SETBP1: variants seen among roughly 807,000 people sequenced by gnomAD.
SETBP1 encodes SET binding protein 1.
A neutral mutation model predicts 101.0 loss-of-function variants in SETBP1; 9 were observed. The observed-to-expected ratio is 0.09, with a 90% CI of 0.05 to 0.16. SETBP1 has a LOEUF of 0.16. Among genes scored for constraint, SETBP1 ranks in the 10% least tolerant of loss-of-function variants. The pLI is 1.00. For synonymous variants in SETBP1, 818 were observed against 788.5 expected (o/e 1.04, Z -0.63); for missense variants, 1,858 against 2,033.8 (o/e 0.91, Z 1.66).
chr18:44,768,513 AGGAATTGGGTT>A (rs2070807410), intron 2 of SETBP1, among the ~76,000 whole-genome samples: 1 of 152,034 alleles, frequency 6.6e-6, no homozygotes. Context: ...CTACTTTTGG[AGGAATTGGGTT>A]GGTTACAATA....
intron 2 of SETBP1, among the ~76,000 whole-genome samples, chr18:44,790,483 G>A (rs1056826719): frequency 2.0e-5 from 3 of 152,292 alleles, no homozygotes; most frequent in Non-Finnish European, 2.9e-5. Context: ...AGCAAGTGCC[G>A]TCACACTGAG....
At chr18:44,707,034 A>G (rs1390718753) in intron 2 of SETBP1, among the ~76,000 whole-genome samples, 1 of 152,268 alleles carries the variant, frequency 6.6e-6, no homozygotes, top group Non-Finnish European at 1.5e-5. Flanking sequence ...CTTATCTGTT[A>G]GTCCTCATAA....
intron 4 of SETBP1, among the ~76,000 whole-genome samples, chr18:44,974,237 G>A (rs1866177632): frequency 6.6e-6 from 1 of 152,150 alleles, no homozygotes; most frequent in Admixed American, 6.5e-5. Flanking sequence ...ACATTTAAGT[G>A]GCATTGCTTT....
chr18:44,935,366 G>A (rs2145015130), intron 3 of SETBP1, among the ~76,000 whole-genome samples: 1 of 152,240 alleles, frequency 6.6e-6, no homozygotes, highest in African/African-American at 2.4e-5. Context: ...GCGGTAAAGA[G>A]GAAAAGGATG....
intron 2 of SETBP1, among the ~76,000 whole-genome samples, chr18:44,705,748 G>A (rs1346201485): frequency 6.6e-6 from 1 of 152,108 alleles, no homozygotes; most frequent in Non-Finnish European, 1.5e-5. Flanking sequence ...CACTGCTTTG[G>A]GATGAAGGCA....
intron 3 of SETBP1, among the ~76,000 whole-genome samples, chr18:44,936,355 A>G (rs1056910564): frequency 6.6e-6 from 1 of 152,194 alleles, no homozygotes; most frequent in Non-Finnish European, 1.5e-5. Flanking sequence ...CAGCAGTGCC[A>G]CTGCATTCCA....
At chr18:44,691,221 A>G (rs547918226) in intron 1 of SETBP1, among the ~76,000 whole-genome samples, 2 of 152,228 alleles carry the variant, frequency 1.3e-5, no homozygotes, top group African/African-American at 4.8e-5. Context: ...TGAGTAAATC[A>G]TTAACCTTTC....
intron 2 of SETBP1, among the ~76,000 whole-genome samples, chr18:44,739,553 A>G (rs1267574124): frequency 1.3e-5 from 2 of 152,228 alleles, no homozygotes; most frequent in Non-Finnish European, 2.9e-5. Flanking sequence ...GTATATTTGT[A>G]AAAGAGTCTG....
intron 4 of SETBP1, among the ~76,000 whole-genome samples, chr18:44,981,707 A>G (rs2145237583): frequency 6.6e-6 from 1 of 152,334 alleles, no homozygotes; most frequent in East Asian, 1.9e-4. Flanking sequence ...ACATCGGCAT[A>G]GAGAAGAATA....
rs142787101 is a variant in SETBP1 at position 44,846,562 on chromosome 18, A to T, written c.487-22668A>T. ...CTGTGAATTGAAATATCTGAGCCTT[A>T]TATGTTAAAAAAGAATCTCAGGTGA... On this transcript the variant is annotated intron_variant, in intron 2 of 5. Coordinates refer to ENST00000649279, the MANE Select transcript of SETBP1 (RefSeq NM_015559.3). Among the ~76,000 whole-genome samples the T allele has an allele frequency of 2.2e-3, 339 of 152,304 alleles. 5 individuals are homozygous for T. Among genetic ancestry groups the T allele is most frequent in the Middle Eastern group, 6.8e-3 (2 of 294 alleles).
At chr18:44,681,533 C>G (rs991100706) in intron 1 of SETBP1, among the ~76,000 whole-genome samples, 17 of 146,102 alleles carry the variant, frequency 1.2e-4, no homozygotes, top group African/African-American at 4.3e-4. Flanking sequence ...CCCCCCTCCC[C>G]TGCACAGTAC....
chr18:44,746,317 A>G (rs968701865), intron 2 of SETBP1, among the ~76,000 whole-genome samples: 2 of 152,248 alleles, frequency 1.3e-5, no homozygotes, highest in African/African-American at 2.4e-5. Context: ...TGATAGTACA[A>G]TAGTCATAGC....
At chr18:44,726,155 T>TA (rs1454555847) in intron 2 of SETBP1, among the ~76,000 whole-genome samples, 2 of 152,186 alleles carry the variant, frequency 1.3e-5, no homozygotes, top group African/African-American at 4.8e-5. Context: ...ATGAAACCCT[T>TA]ACATAATTTT....
chr18:44,803,155 A>C (rs1176139961), intron 2 of SETBP1, among the ~76,000 whole-genome samples: 1 of 152,160 alleles, frequency 6.6e-6, no homozygotes. Context: ...TTAGGAACCG[A>C]GAGTAATGAC....
chr18:45,045,306 C>T (rs2073590154), intron 5 of SETBP1, among the ~76,000 whole-genome samples: 2 of 152,082 alleles, frequency 1.3e-5, no homozygotes, highest in Admixed American at 6.6e-5. Flanking sequence ...CCTATAATAC[C>T]AGCTACTCTG....
At chr18:44,967,882 C>T (rs1240431132) in intron 4 of SETBP1, among the ~76,000 whole-genome samples, 2 of 152,172 alleles carry the variant, frequency 1.3e-5, no homozygotes, top group African/African-American at 4.8e-5. Flanking sequence ...CATGCCATTT[C>T]TCTCTCTCAG....
At chr18:44,969,252 C>T (rs1177845350) in intron 4 of SETBP1, among the ~76,000 whole-genome samples, 1 of 152,146 alleles carries the variant, frequency 6.6e-6, no homozygotes, top group Admixed American at 6.5e-5. Context: ...AATTTCCCTT[C>T]AGTTCAATGC....
intron 4 of SETBP1, among the ~76,000 whole-genome samples, chr18:45,013,332 A>C (rs1247927644): frequency 6.6e-6 from 1 of 152,240 alleles, no homozygotes; most frequent in Non-Finnish European, 1.5e-5. Context: ...GCTCTCAAAC[A>C]AACAAAGGCC....
At chr18:45,049,817 G>C (rs1447138791) in intron 5 of SETBP1, among the ~76,000 whole-genome samples, 2 of 152,058 alleles carry the variant, frequency 1.3e-5, no homozygotes, top group African/African-American at 4.8e-5. Flanking sequence ...GGAATTTAGG[G>C]GGTTGGAAAA....
Sources: gnomAD v4.1 joint callset for allele counts (sites outside exome capture counted in the v4.1 genomes callset) on GRCh38, gnomAD v4.1.1 for gene constraint, MANE v1.5 for transcripts, NCBI Gene and HGNC (gene_info 2026-07-23, HGNC 2026-07-21) for gene names.